The following ZBTB44 variants were observed in gnomAD, a reference collection of about 807,000 sequenced individuals.
ZBTB44 encodes the protein zinc finger and BTB domain containing 44.
In ZBTB44, 15 loss-of-function variants were observed where a neutral mutation model predicts 54.0. That is an observed-to-expected ratio of 0.28 (90% confidence interval 0.19 to 0.43). The LOEUF (loss-of-function observed/expected upper bound fraction) is 0.43, where lower values mean the gene tolerates loss of function less well. ZBTB44 is among the 20% of genes least tolerant of loss of function. The pLI, the probability that ZBTB44 is intolerant of heterozygous loss-of-function variation, is 1.00. For synonymous variants in ZBTB44, 230 were observed against 250.1 expected (o/e 0.92, Z 0.76); for missense variants, 487 against 707.1 (o/e 0.69, Z 3.53).
At chr11:130,296,463 A>G in intron 1 of ZBTB44, 1 of 1,170,224 alleles carries the variant, frequency 8.5e-7, no homozygotes, top group Non-Finnish European at 1.2e-6. Flanking sequence ...CCAGTTCTGC[A>G]ACACAGATTT....
At chr11:130,313,966 A>ATTTTT (rs1555059256) in intron 1 of ZBTB44, among the ~76,000 whole-genome samples, 22 of 116,134 alleles carry the variant, frequency 1.9e-4, no homozygotes, top group African/African-American at 6.2e-4. Flanking sequence ...ATATATATAT[A>ATTTTT]TTTTTTTAAA....
intron 1 of ZBTB44, among the ~76,000 whole-genome samples, chr11:130,282,521 A>T (rs1350797): frequency 0.79 from 119,783 of 152,182 alleles, 47,362 homozygotes; most frequent in Admixed American, 0.83. Context: ...CATCCATTCT[A>T]CTCATGCTGG....
intron 5 of ZBTB44, chr11:130,236,134 G>A (rs750496570): frequency 3.1e-6 from 4 of 1,286,530 alleles, no homozygotes; most frequent in South Asian, 2.5e-5. Flanking sequence ...TAAGTTTCAA[G>A]CTTTTTCATG....
At chr11:130,299,653 A>ATT (rs1941884575) in intron 1 of ZBTB44, among the ~76,000 whole-genome samples, 1 of 152,190 alleles carries the variant, frequency 6.6e-6, no homozygotes, top group African/African-American at 2.4e-5. Flanking sequence ...AAAAAAACAA[A>ATT]ATAACAAGTC....
chr11:130,291,517 G>A (rs1008685799), intron 1 of ZBTB44, among the ~76,000 whole-genome samples: 1 of 152,160 alleles, frequency 6.6e-6, no homozygotes, highest in African/African-American at 2.4e-5. Flanking sequence ...AACTAAAGAT[G>A]AGAAAAATAA....
chr11:130,261,917 A>T lies in ZBTB44; in HGVS notation c.-44T>A, dbSNP rs778939237. The stretch of plus-strand genomic sequence containing the variant: ...CAGATGCTCTTCAAGGATGCAAATA[A>T]ATCAGAAATGTCCTAAAAAATACAT... On this transcript the variant is annotated 5_prime_UTR_variant, in exon 2 of 8. Coordinates refer to ENST00000357899, the MANE Select transcript of ZBTB44 (RefSeq NM_001301098.2). This position sits in a 1 kb window ranked among gnomAD's most constrained non-coding sequence, Gnocchi z 4.8. 12 of 1,522,134 alleles carry T rather than the reference A, an allele frequency of 7.9e-6. 1 individual carries two copies. The highest frequency in any genetic ancestry group is 4.3e-5 in the Admixed American group (2 of 46,664). 94.3% of individuals were successfully genotyped at this position (1,522,134 alleles called of 1,614,324 possible).
chr11:130,278,730 G>A (rs1007356987), intron 1 of ZBTB44, among the ~76,000 whole-genome samples: 15 of 151,616 alleles, frequency 9.9e-5, no homozygotes, highest in Admixed American at 2.0e-4. Context: ...GTGAATTTTC[G>A]GTTAATTATT....
intron 1 of ZBTB44, chr11:130,295,838 C>G: frequency 1.4e-6 from 2 of 1,383,880 alleles, no homozygotes; most frequent in Non-Finnish European, 2.1e-6. Context: ...AGAGAATTAG[C>G]CATGCAAATT....
At chr11:130,236,029 A>C in intron 5 of ZBTB44, 1 of 1,026,566 alleles carries the variant, frequency 9.7e-7, no homozygotes, top group Non-Finnish European at 1.2e-6. Context: ...GGATTCCTAC[A>C]GAAGTACAAT....
chr11:130,291,811 CTGATA>C (rs757478386), intron 1 of ZBTB44, among the ~76,000 whole-genome samples: 1 of 152,158 alleles, frequency 6.6e-6, no homozygotes, highest in Non-Finnish European at 1.5e-5. Context: ...GAATGCTTTC[CTGATA>C]TAATTCATGT....
intron 1 of ZBTB44, among the ~76,000 whole-genome samples, chr11:130,298,772 G>T (rs932633761): frequency 1.3e-5 from 2 of 151,838 alleles, no homozygotes; most frequent in Non-Finnish European, 2.9e-5. Context: ...AATAGTTGAA[G>T]ATTTTAATAT....
At chr11:130,280,761 CTTTTTGTATT>C (rs1940444272) in intron 1 of ZBTB44, among the ~76,000 whole-genome samples, 1 of 152,196 alleles carries the variant, frequency 6.6e-6, no homozygotes, top group South Asian at 2.1e-4. Flanking sequence ...TTCTAGCACG[CTTTTTGTATT>C]TTTAAAAAAT....
rs752744188 is a variant in ZBTB44, at chr11:130,231,362, T to C, written c.*402A>G. ...TTTATGTTAAATACTGGTTAGTTAC[T>C]GGTATTGATAAGATCTGGGCAGCAG... On this transcript the variant is annotated 3_prime_UTR_variant, in exon 8 of 8. Transcript: ENST00000357899. The C allele has an allele frequency of 6.6e-6, 1 of 152,184 alleles. No individual in the cohort carries two copies. The highest frequency in any genetic ancestry group is 1.5e-5 in the Non-Finnish European group (1 of 67,996). The allele number at this position is 152,184 out of a possible 1,614,324, so 9.4% of individuals were successfully genotyped here.
intron 1 of ZBTB44, among the ~76,000 whole-genome samples, chr11:130,311,411 G>C (rs1592090865): frequency 6.6e-6 from 1 of 151,984 alleles, no homozygotes; most frequent in Non-Finnish European, 1.5e-5. Context: ...GTCTCATCAT[G>C]TTGCCCAGGC....
intron 1 of ZBTB44, among the ~76,000 whole-genome samples, chr11:130,293,068 A>T (rs969521425): frequency 1.3e-5 from 2 of 152,166 alleles, no homozygotes; most frequent in East Asian, 3.8e-4. Context: ...CACTACTGAA[A>T]GTGTTTTGTG....
At chr11:130,309,682 G>T (rs1240901347) in intron 1 of ZBTB44, among the ~76,000 whole-genome samples, 2 of 151,898 alleles carry the variant, frequency 1.3e-5, no homozygotes, top group Non-Finnish European at 2.9e-5. Flanking sequence ...ATCACTTGAG[G>T]TCAGGAGCTC....
At chr11:130,240,676 C>T (rs2136296050) in intron 2 of ZBTB44, among the ~76,000 whole-genome samples, 1 of 152,324 alleles carries the variant, frequency 6.6e-6, no homozygotes, top group African/African-American at 2.4e-5. Context: ...ATTCATCCTT[C>T]CCTGATCATA....
At chr11:130,269,288 A>G (rs531609622) in intron 1 of ZBTB44, among the ~76,000 whole-genome samples, 1 of 77,904 alleles carries the variant, frequency 1.3e-5, no homozygotes, top group South Asian at 4.6e-4. Flanking sequence ...AAACTCCACT[A>G]AATAATTAAT....
At chr11:130,239,952 T>C in intron 2 of ZBTB44, 56 bp from the exon 3 acceptor site, 1 of 1,280,080 alleles carries the variant, frequency 7.8e-7, no homozygotes, top group Non-Finnish European at 1.1e-6. Context: ...AAGCCAAGAT[T>C]GTAACTGAAA....
Sources: gnomAD v4.1 joint callset for allele counts (sites outside exome capture counted in the v4.1 genomes callset) on GRCh38, gnomAD v4.1.1 for gene constraint, Gnocchi (gnomAD v3.1) non-coding constraint, MANE v1.5 for transcripts, NCBI Gene and HGNC (gene_info 2026-07-23, HGNC 2026-07-21) for gene names.